Variants in EXOC3 observed in about 807,000 individuals in gnomAD.
EXOC3 encodes the protein SEC6-like 1.
In EXOC3, 21 loss-of-function variants were observed where a neutral mutation model predicts 73.7. That is an observed-to-expected ratio of 0.29 (90% CI 0.20 to 0.41). The LOEUF (loss-of-function observed/expected upper bound fraction) is 0.41, where lower values mean the gene tolerates loss of function less well. Among genes scored for constraint, EXOC3 ranks in the 10% least tolerant of loss-of-function variants. The pLI, the probability that EXOC3 is intolerant of heterozygous loss-of-function variation, is 1.00. For synonymous variants in EXOC3, 410 were observed against 389.1 expected (o/e 1.05, Z -0.63); for missense variants, 842 against 985.1 (o/e 0.85, Z 1.95).
intron 3 of EXOC3, among the ~76,000 whole-genome samples, chr5:452,926 G>A (rs1192647000): frequency 1.3e-5 from 2 of 152,236 alleles, no homozygotes; most frequent in Non-Finnish European, 2.9e-5. Context: ...GGTGAGGAGG[G>A]ACCTGTGAAC....
At chr5:464,165 C>T (rs1457698946) in intron 9 of EXOC3, 125 bp from the exon 10 acceptor site, 2 of 893,170 alleles carry the variant, frequency 2.2e-6, no homozygotes, top group East Asian at 2.8e-5. Context: ...GAGGAAGTGC[C>T]TCCCTCCCAC....
chr5:457,366 T>G, intron 5 of EXOC3: 1 of 286,722 alleles, frequency 3.5e-6, no homozygotes, highest in Non-Finnish European at 6.7e-6. Flanking sequence ...GGCGAGTCCA[T>G]TTGCAGCCTG....
chr5:458,023 C>G lies in EXOC3; in HGVS notation c.1288C>G (p.Gln430Glu). 6.2e-7 allele frequency: 1 copy of G among 1,612,232 alleles called. No individual in the cohort carries two copies. The highest frequency in any genetic ancestry group is 8.5e-7 in the Non-Finnish European group (1 of 1,179,044). The change falls in exon 6 of 13, where the codon CAG becomes GAG. Residue 430 changes from glutamine (Q) to glutamate (E), a missense_variant and splice_region_variant. By Grantham distance (29) the Gln-to-Glu change is conservative. Transcript: ENST00000512944. ...YQTTLPAIVF[Q>E]MFEQNLQVAA... ...GACCACACTCCCTGCCATTGTCTTC[C>G]AGGTACCACCTGCAGGGGACTGGCA...
At chr5:458,807 G>A (rs752411986) in intron 6 of EXOC3, among the ~76,000 whole-genome samples, 1 of 152,202 alleles carries the variant, frequency 6.6e-6, no homozygotes, top group African/African-American at 2.4e-5. Flanking sequence ...GAGGGCTGGC[G>A]GGTGACATTT....
chr5:467,025 A>G lies in EXOC3; in HGVS notation c.*127A>G. On this transcript the variant is annotated 3_prime_UTR_variant, in exon 13 of 13. Coordinates refer to ENST00000512944, the MANE Select transcript of EXOC3 (RefSeq NM_007277.5). ...GCTGCACGGCCTGTCTTTAGGTGCC[A>G]GTGTGATGCACCGGGTGTGCGTCGA... 1.0e-6 allele frequency: 1 copy of G among 983,316 alleles called. No homozygotes were observed. The highest frequency in any genetic ancestry group is 1.5e-6 in the Non-Finnish European group (1 of 671,550). The allele number at this position is 983,316 out of a possible 1,614,324, so 60.9% of individuals were successfully genotyped here. A position where few individuals can be genotyped will look rare whatever the true frequency, so the allele number is the denominator to read the frequency against.
chr5:453,213 T>C (rs1382323104), intron 3 of EXOC3, among the ~76,000 whole-genome samples, 157 bp from the exon 4 acceptor site: 4 of 152,056 alleles, frequency 2.6e-5, no homozygotes, highest in Admixed American at 1.3e-4. Flanking sequence ...GACTCCAGAG[T>C]TCCAAAGATA....
chr5:464,557 C>T (rs555085844), intron 10 of EXOC3, 145 bp downstream of exon 10: 20 of 795,488 alleles, frequency 2.5e-5, no homozygotes, highest in African/African-American at 1.9e-4. Flanking sequence ...ATAGGCTCTG[C>T]GGACGCCACC....
rs1431647099 is a variant in EXOC3, at chr5:467,219, C to T, written c.*321C>T. On this transcript the variant is annotated 3_prime_UTR_variant, in exon 13 of 13. Transcript: ENST00000512944. Reference sequence around the variant, plus strand: ...CCTGCCCTCCTCCTCCCTGGGCCTTCACCGCACCCCATCTGCTTAAGTGCT... The same window carrying T: ...CCTGCCCTCCTCCTCCCTGGGCCTTTACCGCACCCCATCTGCTTAAGTGCT... The T allele has an allele frequency of 1.3e-5, 4 of 318,046 alleles. No homozygotes were observed. The highest frequency in any genetic ancestry group is 5.8e-6 in the Non-Finnish European group (1 of 172,980). The allele number at this position is 318,046 out of a possible 1,614,324, so 19.7% of individuals were successfully genotyped here.
intron 2 of EXOC3, 41 bp from the exon 3 acceptor site, chr5:447,492 C>A: frequency 7.1e-7 from 1 of 1,413,892 alleles, no homozygotes; most frequent in Non-Finnish European, 9.5e-7. Flanking sequence ...CAGCGCATGG[C>A]TATCATTGGC....
intron 2 of EXOC3, chr5:447,010 T>G (rs1737527964): frequency 6.5e-6 from 1 of 154,814 alleles, no homozygotes. Flanking sequence ...TTAACTCACA[T>G]TTGACAGAGA....
rs1738165822 is a variant in EXOC3, at chr5:466,798, A to G, written c.2138A>G (p.Glu713Gly). Residue 713 changes from glutamate (E) to glycine (G), a missense_variant, in exon 13 of 13, where the codon GAG becomes GGG. By Grantham distance (98) the Glu-to-Gly change is moderately conservative. Transcript: ENST00000512944. ...CGTGACATGAAGCAGACCATCATGG[A>G]GACCCTGGAGCAGGGCCCAGCACAG... ...ASRDMKQTIM[E>G]TLEQGPAQAS... 2 of 1,613,392 alleles carry G rather than the reference A, an allele frequency of 1.2e-6. No individual in the cohort carries two copies. The highest frequency in any genetic ancestry group is 1.7e-5 in the Admixed American group (1 of 59,998).
chr5:462,445 G>A, intron 9 of EXOC3, 138 bp downstream of exon 9: 2 of 930,310 alleles, frequency 2.1e-6, no homozygotes, highest in East Asian at 4.9e-5. Context: ...ATTCCGGTCA[G>A]ATCGCTTAAA....
intron 1 of EXOC3, among the ~76,000 whole-genome samples, chr5:444,489 T>C (rs925545448): frequency 3.9e-5 from 6 of 152,238 alleles, no homozygotes; most frequent in African/African-American, 1.4e-4. Context: ...GGTCCACTTC[T>C]TGGGTTATTA....
At chr5:463,936 T>C (rs1308827333) in intron 9 of EXOC3, among the ~76,000 whole-genome samples, 2 of 152,268 alleles carry the variant, frequency 1.3e-5, no homozygotes. Flanking sequence ...ATCACAGAAA[T>C]TGTAGTATAA....
intron 1 of EXOC3, among the ~76,000 whole-genome samples, chr5:445,529 T>A (rs1388486377): frequency 6.6e-6 from 1 of 152,156 alleles, no homozygotes; most frequent in Non-Finnish European, 1.5e-5. Flanking sequence ...TTTTTGTGTG[T>A]ATTTTTAGTA....
At chr5:466,243 G>C (rs751114198) in intron 12 of EXOC3, 6 of 256,056 alleles carry the variant, frequency 2.3e-5, no homozygotes, top group Non-Finnish European at 4.5e-5. Context: ...GACACCTTCC[G>C]AGGACGTGAT....
chr5:449,266 C>G (rs1339930082), intron 3 of EXOC3, among the ~76,000 whole-genome samples: 3 of 152,200 alleles, frequency 2.0e-5, no homozygotes, highest in Admixed American at 2.0e-4. Context: ...GTGTACACAG[C>G]TCCCCTCCCC....
chr5:466,698 G>C, intron 12 of EXOC3, 29 bp from the exon 13 acceptor site: 1 of 1,599,760 alleles, frequency 6.3e-7, no homozygotes, highest in Non-Finnish European at 8.5e-7. Flanking sequence ...CTGCTAAGTG[G>C]GCATGGGCTG....
chr5:465,018 G>T (rs1270711435), intron 10 of EXOC3, 93 bp from the exon 11 acceptor site: 2 of 1,343,818 alleles, frequency 1.5e-6, no homozygotes, highest in Admixed American at 5.3e-5. Context: ...GAGCCTCCGG[G>T]GAGCCACCGG....
Sources: gnomAD v4.1 joint callset for allele counts (sites outside exome capture counted in the v4.1 genomes callset) on GRCh38, gnomAD v4.1.1 for gene constraint, MANE v1.5 for transcripts, NCBI Gene and HGNC (gene_info 2026-07-23, HGNC 2026-07-21) for gene names.